Variants in NFKBIE observed in about 807,000 individuals in gnomAD.
NFKBIE encodes NFKB inhibitor epsilon.
A neutral mutation model predicts 31.6 loss-of-function variants in NFKBIE; 11 were observed. The ratio of observed to expected loss-of-function variants is 0.35; its 90% CI spans 0.22 to 0.58. The LOEUF (loss-of-function observed/expected upper bound fraction) is 0.58. Among genes scored for constraint, NFKBIE ranks in the 20% least tolerant of loss-of-function variants. NFKBIE has a pLI of 0.83. For missense variants in NFKBIE, 354 were observed against 465.7 expected (o/e 0.76, Z 2.21); for synonymous variants, 208 against 210.1 (o/e 0.99, Z 0.09).
chr6:44,261,665 T>C lies in NFKBIE; in HGVS notation c.652A>G (p.Thr218Ala). 1 of 1,614,196 alleles carries C rather than the reference T, an allele frequency of 6.2e-7. No homozygotes were observed. The highest frequency in any genetic ancestry group is 8.5e-7 in the Non-Finnish European group (1 of 1,180,012). The change falls in exon 3 of 6, where the codon ACA (threonine) becomes GCA (alanine). Residue 218 changes from threonine (T) to alanine (A), a missense_variant. Physicochemically the swap from Thr to Ala is moderately conservative, Grantham distance 58 (BLOSUM62 0). This residue lies in a region of NFKBIE where 183 missense variants were observed against 310.6 expected (regional missense o/e 0.59). Coordinates refer to ENST00000619360, the MANE Select transcript of NFKBIE (RefSeq NM_004556.3). The surrounding 1 kb of genome is among the most constrained non-coding windows in gnomAD (Gnocchi z 4.3). ...LEGRPEPGRGTSHSLDLQLQN... is the reference protein window; with the variant it reads ...LEGRPEPGRGASHSLDLQLQN... ...AGCTGGAGGTCCAGAGAGTGAGATG[T>C]TCCTCTGCCTGGCTCTGGCCGCCCT... is the stretch of plus-strand genomic sequence containing the variant.
At position 44,265,227 on chromosome 6, in the gene NFKBIE, G is replaced by A; in HGVS notation, c.120C>T (p.Pro40=). 1 of 1,552,386 alleles carries A rather than the reference G, an allele frequency of 6.4e-7. No individual in the cohort carries two copies. The highest frequency in any genetic ancestry group is 8.7e-7 in the Non-Finnish European group (1 of 1,147,408). The change falls in exon 1 of 6, where the codon CCC becomes CCT. Residue 40 remains proline (P), a synonymous_variant. Transcript: ENST00000619360. The part of the protein sequence containing the change: ...PESTSAPASG[P]SDGSPQPCTH... ...TGCAGGGCTGGGGGCTGCCGTCCGA[G>A]GGCCCGGAGGCTGGAGCCGAGGTGG...
At position 44,263,742 on chromosome 6, in the gene NFKBIE, G is replaced by C. The variant is rs3799963; in HGVS notation, c.366-1080C>G. Among the ~76,000 whole-genome samples the C allele has an allele frequency of 0.045, 6,886 of 152,122 alleles. 236 individuals carry two copies. Among genetic ancestry groups the C allele is most frequent in the East Asian group, 0.17 (886 of 5,162 alleles). ...CAACAGAGGGAGGAAAGTGCCCCCTGCTCTCTGGGGACTCGCTGGGGAGCC... is the reference window on the plus strand; with the variant it reads ...CAACAGAGGGAGGAAAGTGCCCCCTCCTCTCTGGGGACTCGCTGGGGAGCC... On this transcript the variant is annotated intron_variant, in intron 1 of 5. Coordinates refer to ENST00000619360, the MANE Select transcript of NFKBIE (RefSeq NM_004556.3). The surrounding 1 kb of genome is among the most constrained non-coding windows in gnomAD (Gnocchi z 5.0).
chr6:44,260,608 C>T lies in NFKBIE; in HGVS notation c.692-69G>A. Reference sequence around the variant, plus strand: ...CCACCAACTCCCTCTCTTCTGGGACCTCCCTACCACTCAGCCCCAAGGGAC... The same window carrying T: ...CCACCAACTCCCTCTCTTCTGGGACTTCCCTACCACTCAGCCCCAAGGGAC... On this transcript the variant is annotated intron_variant, in intron 3 of 5. Transcript: ENST00000619360. The surrounding 1 kb of genome is among the most constrained non-coding windows in gnomAD (Gnocchi z 5.5). The T allele has an allele frequency of 1.4e-6, 2 of 1,438,592 alleles. No individual in the cohort carries two copies. The highest frequency in any genetic ancestry group is 1.1e-5 in the South Asian group (1 of 86,988). The allele number at this position is 1,438,592 out of a possible 1,614,324, so 89.1% of individuals were successfully genotyped here. A position where few individuals can be genotyped will look rare whatever the true frequency, so the allele number is the denominator to read the frequency against.
intron 5 of NFKBIE, 139 bp downstream of exon 5, chr6:44,259,904 C>G: frequency 7.6e-7 from 1 of 1,313,064 alleles, no homozygotes; most frequent in Non-Finnish European, 1.0e-6. Context: ...GAAACAGGCT[C>G]AAGTTCCCAC....
chr6:44,259,050 G>C lies in NFKBIE; in HGVS notation c.*169C>G, dbSNP rs1031088761. 9 of 586,370 alleles carry C rather than the reference G, an allele frequency of 1.5e-5. No individual in the cohort carries two copies. Among genetic ancestry groups the C allele is most frequent in the Non-Finnish European group, 2.7e-5 (9 of 330,778 alleles). 36.3% of individuals were successfully genotyped at this position (586,370 alleles called of 1,614,324 possible). On this transcript the variant is annotated 3_prime_UTR_variant, in exon 6 of 6. Transcript: ENST00000619360. ...CTTCCAGACTGGCTCTCTTCCACTT[G>C]CAGTCCCTCCTCCTCGGCTCAGGAC...
At position 44,260,826 on chromosome 6, in the gene NFKBIE, AACACACACACAC is replaced by A. The variant is rs369958691; in HGVS notation, c.692-299_692-288del. 2.5e-5 allele frequency among the ~76,000 whole-genome samples: 3 copies of A among 119,120 alleles called. No individual in the cohort carries two copies. The highest frequency in any genetic ancestry group is 6.0e-5 in the African/African-American group (2 of 33,474). The allele number at this position is 119,120 out of a possible 152,430, so 78.1% of individuals were successfully genotyped here. ...CACCCTCCTCCTATACACAAACTAC[AACACACACACAC>A]ACACACACACACACACATACAGACA... is the stretch of plus-strand genomic sequence containing the variant. On this transcript the variant is annotated intron_variant, in intron 3 of 5. Coordinates refer to ENST00000619360, the MANE Select transcript of NFKBIE (RefSeq NM_004556.3). The surrounding 1 kb of genome is among the most constrained non-coding windows in gnomAD (Gnocchi z 5.5).
chr6:44,263,300 A>G lies in NFKBIE; in HGVS notation c.366-638T>C, dbSNP rs1172146475. ...CTCCAAGAGGAGGTCTTTGTAGTGC[A>G]GAAAATGTATTTGTTGAGGGGGCCA... On this transcript the variant is annotated intron_variant, in intron 1 of 5. Transcript: ENST00000619360. The surrounding 1 kb of genome is among the most constrained non-coding windows in gnomAD (Gnocchi z 5.0). 6.6e-6 allele frequency among the ~76,000 whole-genome samples: 1 copy of G among 152,128 alleles called. No homozygotes were observed. The highest frequency in any genetic ancestry group is 1.5e-5 in the Non-Finnish European group (1 of 68,004).
chr6:44,261,794 C>T lies in NFKBIE; in HGVS notation c.523G>A (p.Val175Met), dbSNP rs1271528651. 1.9e-6 allele frequency: 3 copies of T among 1,613,412 alleles called. No individual in the cohort carries two copies. Among genetic ancestry groups the T allele is most frequent in the Non-Finnish European group, 2.5e-6 (3 of 1,180,014 alleles). Residue 175 changes from valine to methionine, a missense_variant, in exon 3 of 6, where the codon GTG becomes ATG. Physicochemically the swap from Val to Met is conservative, Grantham distance 21. Coordinates refer to ENST00000619360, the MANE Select transcript of NFKBIE (RefSeq NM_004556.3). The surrounding 1 kb of genome is among the most constrained non-coding windows in gnomAD (Gnocchi z 4.3). Reference protein sequence around the residue: ...LDQPGAVRALVLKGASRALQD... With the variant: ...LDQPGAVRALMLKGASRALQD... Reference sequence around the variant, plus strand: ...AGTGCCCGGCTGGCCCCCTTCAGCACCAGTGCCCGAACTGCGCCCGGTTGG... The same window carrying T: ...AGTGCCCGGCTGGCCCCCTTCAGCATCAGTGCCCGAACTGCGCCCGGTTGG...
At position 44,265,379 on chromosome 6, in the gene NFKBIE, G is replaced by C. The variant is rs1484535620; in HGVS notation, c.-33C>G. On this transcript the variant is annotated 5_prime_UTR_variant, in exon 1 of 6. Coordinates refer to ENST00000619360, the MANE Select transcript of NFKBIE (RefSeq NM_004556.3). ...GCTCTGGCCGGCCGGGGCCCGGTCTGAGCAGGATCCGGCTCCAGGCTCCGC... is the reference window on the plus strand; with the variant it reads ...GCTCTGGCCGGCCGGGGCCCGGTCTCAGCAGGATCCGGCTCCAGGCTCCGC... 6.4e-7 allele frequency: 1 copy of C among 1,563,826 alleles called. No homozygotes were observed. The highest frequency in any genetic ancestry group is 8.6e-7 in the Non-Finnish European group (1 of 1,161,932).
rs769280251 is a variant in NFKBIE at position 44,261,616 on chromosome 6, C to T, written c.691+10G>A. ...CAGGCCCTAAGGGCAGTCTTAAAGA[C>T]TGTCCACACCTTGCCAGTTTTGCAG... On this transcript the variant is annotated intron_variant, in intron 3 of 5. Coordinates refer to ENST00000619360, the MANE Select transcript of NFKBIE (RefSeq NM_004556.3). This position sits in a 1 kb window ranked among gnomAD's most constrained non-coding sequence, Gnocchi z 4.3. 3.7e-6 allele frequency: 6 copies of T among 1,613,682 alleles called. No individual in the cohort carries two copies. Among genetic ancestry groups the T allele is most frequent in the South Asian group, 1.1e-5 (1 of 90,968 alleles).
Position 44,265,006 on chromosome 6 carries a change from G to A in NFKBIE, c.341C>T (p.Thr114Ile). ...ALSPQQLEALTYISEDGDTLV... is the reference protein window; with the variant it reads ...ALSPQQLEALIYISEDGDTLV... ...CGTGTCTCCGTCCTCGGAGATGTAA[G>A]TGAGTGCTTCCAGCTGCTGAGGGCT... is the stretch of plus-strand genomic sequence containing the variant. Residue 114 changes from threonine (T) to isoleucine (I), a missense_variant, in exon 1 of 6, where the codon ACT (threonine) becomes ATT (isoleucine). Physicochemically the swap from Thr to Ile is moderately conservative, Grantham distance 89. Around this residue, in one of 2 missense-constraint regions of NFKBIE, gnomAD observed 171 missense variants for 155.1 expected, o/e 1.10. Transcript: ENST00000619360. 1 of 1,582,182 alleles carries A rather than the reference G, an allele frequency of 6.3e-7. No individual in the cohort carries two copies. The highest frequency in any genetic ancestry group is 8.6e-7 in the Non-Finnish European group (1 of 1,164,320).
In NFKBIE at chr6:44,259,981, G is replaced by C. The variant is rs1352890685; in HGVS notation, c.1020+62C>G. 5.7e-6 allele frequency: 9 copies of C among 1,575,760 alleles called. No individual in the cohort carries two copies. In the East Asian group the frequency reaches 2.0e-4, roughly 36 times the overall value. ...TGGCTCCCTGGCCCTTTCAGCTAAT[G>C]ACAGAACCTCTCTCTGCTATGGGTG... On this transcript the variant is annotated intron_variant, in intron 5 of 5. Transcript: ENST00000619360.
At chr6:44,262,509 G>A (rs1188246736) in intron 2 of NFKBIE, 51 bp downstream of exon 2, 3 of 1,505,408 alleles carry the variant, frequency 2.0e-6, no homozygotes, top group African/African-American at 2.7e-5. Flanking sequence ...GCTGGGAATG[G>A]CTGCCAGGGC....
At position 44,260,589 on chromosome 6, in the gene NFKBIE, ACTCCCTCTCTTCTGGGAC is replaced by A; in HGVS notation, c.692-68_692-51del. ...GAGGGCTGCTGATCTGCATCCACCA[ACTCCCTCTCTTCTGGGAC>A]CTCCCTACCACTCAGCCCCAAGGGA... On this transcript the variant is annotated intron_variant, in intron 3 of 5. Coordinates refer to ENST00000619360, the MANE Select transcript of NFKBIE (RefSeq NM_004556.3). This position sits in a 1 kb window ranked among gnomAD's most constrained non-coding sequence, Gnocchi z 5.5. The A allele has an allele frequency of 6.4e-7, 1 of 1,564,890 alleles. No homozygotes were observed. The highest frequency in any genetic ancestry group is 2.2e-5 in the East Asian group (1 of 44,582).
In NFKBIE at chr6:44,260,000, A is replaced by C. The variant is rs1440722542; in HGVS notation, c.1020+43T>G. ...GCTAATGACAGAACCTCTCTCTGCT[A>C]TGGGTGTGCAAGGCCCTGGAGAGCA... On this transcript the variant is annotated intron_variant, in intron 5 of 5. Coordinates refer to ENST00000619360, the MANE Select transcript of NFKBIE (RefSeq NM_004556.3). 4 of 1,596,070 alleles carry C rather than the reference A, an allele frequency of 2.5e-6. No homozygotes were observed. The African/African-American group carries it at 5.4e-5, about 21-fold the overall frequency.
At chr6:44,259,428 T>A (rs1781810077) in intron 5 of NFKBIE, 144 bp from the exon 6 acceptor site, 1 of 650,020 alleles carries the variant, frequency 1.5e-6, no homozygotes, top group Admixed American at 2.1e-5. Flanking sequence ...TTCACACGAA[T>A]CCTCAAAATA....
chr6:44,264,614 C>G (rs1782046519), intron 1 of NFKBIE, among the ~76,000 whole-genome samples: 1 of 152,226 alleles, frequency 6.6e-6, no homozygotes, highest in African/African-American at 2.4e-5. Context: ...ACAGAGCATT[C>G]TGAGGTCAGG....
intron 1 of NFKBIE, among the ~76,000 whole-genome samples, chr6:44,264,027 C>CT (rs1782022611): frequency 6.6e-6 from 1 of 152,114 alleles, no homozygotes; most frequent in Admixed American, 6.5e-5. Flanking sequence ...CACCAGCTGT[C>CT]TTTATCAATG....
In NFKBIE at chr6:44,260,890, C is replaced by CACA. The variant is rs1491136566; in HGVS notation, c.692-352_692-351insTGT. 7.1e-6 allele frequency among the ~76,000 whole-genome samples: 1 copy of CACA among 141,750 alleles called. No homozygotes were observed. Among genetic ancestry groups the CACA allele is most frequent in the Non-Finnish European group, 1.6e-5 (1 of 64,358 alleles). 93.0% of individuals were successfully genotyped at this position (141,750 alleles called of 152,430 possible). A position where few individuals can be genotyped will look rare whatever the true frequency, so the allele number is the denominator to read the frequency against. ...ACACACACACACACACACACACACACAACCTGCCTTCAAGCCCAGTCTGAA... is the reference window on the plus strand; with the variant it reads ...ACACACACACACACACACACACACACACAAACCTGCCTTCAAGCCCAGTCTGAA... On this transcript the variant is annotated intron_variant, in intron 3 of 5. Transcript: ENST00000619360. The surrounding 1 kb of genome is among the most constrained non-coding windows in gnomAD (Gnocchi z 5.5).
Sources: allele counts gnomAD v4.1 joint callset (sites outside exome capture counted in the v4.1 genomes callset), GRCh38; gene constraint gnomAD v4.1.1; regional missense constraint gnomAD v4.1.1; non-coding constraint Gnocchi (gnomAD v3.1); transcripts MANE v1.5; gene names NCBI Gene and HGNC (gene_info 2026-07-23, HGNC 2026-07-21).